The following GABRB1 variants were observed in gnomAD, a reference collection of about 807,000 sequenced individuals.
GABRB1 encodes gamma-aminobutyric acid receptor subunit beta-1.
In GABRB1, 17 loss-of-function variants were observed where a neutral mutation model predicts 51.6. That is an observed-to-expected ratio of 0.33 (90% CI 0.23 to 0.49). The LOEUF (loss-of-function observed/expected upper bound fraction) is 0.49. Among genes scored for constraint, GABRB1 ranks in the 20% least tolerant of loss-of-function variants. GABRB1 has a pLI of 0.99. For missense variants in GABRB1, 410 were observed against 600.6 expected (o/e 0.68, Z 3.32); for synonymous variants, 247 against 218.9 (o/e 1.13, Z -1.14).
chr4:47,283,590 G>T (rs978010873), intron 4 of GABRB1, among the ~76,000 whole-genome samples: 2 of 151,058 alleles, frequency 1.3e-5, no homozygotes, highest in African/African-American at 4.9e-5. Flanking sequence ...GGGTTTCACT[G>T]TGTTAGCCAG....
chr4:47,167,640 T>C (rs949117910), intron 4 of GABRB1, among the ~76,000 whole-genome samples: 1 of 152,146 alleles, frequency 6.6e-6, no homozygotes, highest in Non-Finnish European at 1.5e-5. Context: ...ATTGCCATTG[T>C]GACAGTTTGG....
chr4:47,019,565 C>T (rs1411228512), intron 1 of GABRB1, among the ~76,000 whole-genome samples: 1 of 151,294 alleles, frequency 6.6e-6, no homozygotes, highest in South Asian at 2.1e-4. Flanking sequence ...CTCTCTCTCT[C>T]TCTCTCTCTC....
At chr4:47,044,463 A>G (rs1725997964) in intron 3 of GABRB1, among the ~76,000 whole-genome samples, 1 of 152,042 alleles carries the variant, frequency 6.6e-6, no homozygotes. Context: ...TATACTCTCA[A>G]GTATAAATCT....
chr4:47,244,462 C>G (rs923961637), intron 4 of GABRB1, among the ~76,000 whole-genome samples: 1 of 152,126 alleles, frequency 6.6e-6, no homozygotes, highest in African/African-American at 2.4e-5. Flanking sequence ...AGAATGGTAC[C>G]AGCTCCTCTT....
At chr4:47,401,099 G>A (rs1324612263) in intron 5 of GABRB1, among the ~76,000 whole-genome samples, 2 of 151,968 alleles carry the variant, frequency 1.3e-5, no homozygotes, top group East Asian at 3.9e-4. Flanking sequence ...TCATCAGTTG[G>A]TGGGCACTTA....
chr4:47,381,409 A>G (rs1727594355), intron 5 of GABRB1, among the ~76,000 whole-genome samples: 1 of 152,192 alleles, frequency 6.6e-6, no homozygotes, highest in African/African-American at 2.4e-5. Flanking sequence ...GGAACCATCC[A>G]TGCTGCATCT....
At chr4:47,358,105 C>G (rs1293980380) in intron 5 of GABRB1, among the ~76,000 whole-genome samples, 2 of 152,034 alleles carry the variant, frequency 1.3e-5, no homozygotes, top group African/African-American at 4.8e-5. Flanking sequence ...AAGACACATT[C>G]CTAGAAAATG....
intron 8 of GABRB1, among the ~76,000 whole-genome samples, chr4:47,423,892 C>A (rs1729175117): frequency 6.6e-6 from 1 of 152,070 alleles, no homozygotes; most frequent in Non-Finnish European, 1.5e-5. Context: ...TACTGAAATA[C>A]TGAAATTACT....
intron 4 of GABRB1, among the ~76,000 whole-genome samples, chr4:47,195,816 T>C (rs1719662020): frequency 6.6e-6 from 1 of 152,242 alleles, no homozygotes; most frequent in South Asian, 2.1e-4. Context: ...TTTTCTACTT[T>C]ATTGTTGAGA....
At chr4:47,402,059 G>A (rs1728414528) in intron 5 of GABRB1, among the ~76,000 whole-genome samples, 1 of 152,172 alleles carries the variant, frequency 6.6e-6, no homozygotes, top group African/African-American at 2.4e-5. Flanking sequence ...TTCAGACACT[G>A]GTGATTATAT....
At chr4:47,405,916 T>C (rs1728551857) in intron 7 of GABRB1, among the ~76,000 whole-genome samples, 1 of 152,186 alleles carries the variant, frequency 6.6e-6, no homozygotes, top group Non-Finnish European at 1.5e-5. Context: ...AAACAAAATC[T>C]GTCTTTTATG....
intron 4 of GABRB1, among the ~76,000 whole-genome samples, chr4:47,262,365 C>A (rs565308792): frequency 6.6e-6 from 1 of 152,132 alleles, no homozygotes; most frequent in African/African-American, 2.4e-5. Flanking sequence ...CAAACAACCC[C>A]ATCAAAAAGT....
At chr4:47,247,181 T>C (rs1394176796) in intron 4 of GABRB1, among the ~76,000 whole-genome samples, 1 of 152,136 alleles carries the variant, frequency 6.6e-6, no homozygotes, top group Non-Finnish European at 1.5e-5. Context: ...CCTTAATCCA[T>C]CTTGAGTTGG....
chr4:47,028,787 G>GTATATGTGTA (rs1327086700), upstream of GABRB1, among the ~76,000 whole-genome samples: 5 of 144,234 alleles, frequency 3.5e-5, no homozygotes, highest in Non-Finnish European at 6.0e-5. Context: ...CCATATATAT[G>GTATATGTGTA]TATATGTGTA....
intron 8 of GABRB1, among the ~76,000 whole-genome samples, chr4:47,418,946 G>A (rs1445582041): frequency 1.3e-5 from 2 of 152,194 alleles, no homozygotes. Context: ...AATGAAATGT[G>A]AGCATGAATA....
At chr4:47,419,713 A>T (rs909732511) in intron 8 of GABRB1, among the ~76,000 whole-genome samples, 1 of 152,244 alleles carries the variant, frequency 6.6e-6, no homozygotes, top group Non-Finnish European at 1.5e-5. Context: ...GTAGGCACTC[A>T]GTAAACATTG....
At chr4:47,151,461 A>G (rs1717448929) in intron 3 of GABRB1, among the ~76,000 whole-genome samples, 1 of 152,056 alleles carries the variant, frequency 6.6e-6, no homozygotes, top group Admixed American at 6.6e-5. Context: ...GATTTAATTC[A>G]GATTCATATA....
intron 4 of GABRB1, among the ~76,000 whole-genome samples, chr4:47,204,576 C>T (rs997423890): frequency 6.6e-6 from 1 of 152,090 alleles, no homozygotes; most frequent in African/African-American, 2.4e-5. Context: ...TTGTAATTCC[C>T]ACAATCCCCA....
chr4:47,134,521 A>C (rs1442557474), intron 3 of GABRB1, among the ~76,000 whole-genome samples: 2 of 152,214 alleles, frequency 1.3e-5, no homozygotes, highest in African/African-American at 2.4e-5. Context: ...TTAAGAAAAT[A>C]AAGTCAATAA....
Sources: gnomAD v4.1 joint callset for allele counts (sites outside exome capture counted in the v4.1 genomes callset) on GRCh38, gnomAD v4.1.1 for gene constraint, MANE v1.5 for transcripts, NCBI Gene and HGNC (gene_info 2026-07-23, HGNC 2026-07-21) for gene names.